Variants in MARCHF1 observed in about 807,000 individuals in gnomAD.
MARCHF1 encodes the protein membrane associated ring-CH-type finger 1.
A neutral mutation model predicts 54.2 loss-of-function variants in MARCHF1; 40 were observed. That is an observed-to-expected ratio of 0.74 (90% CI 0.57 to 0.96). The LOEUF (loss-of-function observed/expected upper bound fraction) is 0.96. Among genes scored for constraint, MARCHF1 ranks in the 40% least tolerant of loss-of-function variants. The pLI is 0.00. For missense variants in MARCHF1, 586 were observed against 656.5 expected (o/e 0.89, Z 1.17); for synonymous variants, 236 against 236.3 (o/e 1.00, Z 0.01).
chr4:163,610,335 T>G (rs1741294815), intron 7 of MARCHF1, among the ~76,000 whole-genome samples: 1 of 152,116 alleles, frequency 6.6e-6, no homozygotes, highest in African/African-American at 2.4e-5. Context: ...TTAGTTGGTA[T>G]ATTTTGATGG....
intron 1 of MARCHF1, among the ~76,000 whole-genome samples, chr4:164,274,224 T>C (rs567827548): frequency 2.6e-5 from 4 of 152,354 alleles, no homozygotes; most frequent in African/African-American, 9.6e-5. Context: ...GGCGAGTAAG[T>C]GGATAGAAAA....
At chr4:163,712,363 C>T (rs1745130888) in intron 4 of MARCHF1, among the ~76,000 whole-genome samples, 1 of 152,086 alleles carries the variant, frequency 6.6e-6, no homozygotes, top group South Asian at 2.1e-4. Context: ...AGTTGTGTGT[C>T]AGTGCCAATC....
At chr4:164,361,674 G>A (rs2110927029) in intron 1 of MARCHF1, among the ~76,000 whole-genome samples, 1 of 152,158 alleles carries the variant, frequency 6.6e-6, no homozygotes, top group East Asian at 1.9e-4. Context: ...CCTTCACCAT[G>A]AGAATTTATT....
intron 3 of MARCHF1, among the ~76,000 whole-genome samples, chr4:163,930,489 T>C (rs1239655558): frequency 6.6e-6 from 1 of 151,480 alleles, no homozygotes; most frequent in South Asian, 2.1e-4. Flanking sequence ...TTTTTTTTTT[T>C]TTTTTCTGGT....
At chr4:163,981,148 G>GT (rs796377935) in intron 3 of MARCHF1, among the ~76,000 whole-genome samples, 489 of 144,206 alleles carry the variant, frequency 3.4e-3, no homozygotes, top group South Asian at 3.7e-3. Flanking sequence ...TGCCAGAATT[G>GT]TTTTTTTTTT....
chr4:164,351,499 CACA>C (rs1486565769), intron 1 of MARCHF1, among the ~76,000 whole-genome samples: 21 of 151,980 alleles, frequency 1.4e-4, no homozygotes, highest in African/African-American at 4.8e-4. Context: ...CCAGCAGGGG[CACA>C]CTGACACCTC....
chr4:164,244,146 G>A (rs1286861278), intron 1 of MARCHF1, among the ~76,000 whole-genome samples: 2 of 151,892 alleles, frequency 1.3e-5, no homozygotes, highest in Non-Finnish European at 2.9e-5. Context: ...CAAATCAACA[G>A]AATATACATT....
At chr4:163,858,041 A>C (rs1404667412) in intron 3 of MARCHF1, among the ~76,000 whole-genome samples, 1 of 120,972 alleles carries the variant, frequency 8.3e-6, no homozygotes, top group Non-Finnish European at 1.6e-5. Context: ...ATGAAAGTTA[A>C]AATTGTTAGT....
chr4:163,524,730 C>CTTAGTTTAATATAAACTAAGTTGCG lies in MARCHF1; in HGVS notation c.*4017_*4018insCGCAACTTAGTTTATATTAAACTAA, dbSNP rs1410954029. The CTTAGTTTAATATAAACTAAGTTGCG allele has an allele frequency of 2.0e-5, 3 of 152,198 alleles. No individual in the cohort carries two copies. Among genetic ancestry groups the CTTAGTTTAATATAAACTAAGTTGCG allele is most frequent in the African/African-American group, 7.2e-5 (3 of 41,454 alleles). The allele number at this position is 152,198 out of a possible 1,614,324, so 9.4% of individuals were successfully genotyped here. On this transcript the variant is annotated 3_prime_UTR_variant, in exon 10 of 10. Transcript: ENST00000514618. ...TGGAAACCACAACTAAGGTTTGCGT[C>CTTAGTTTAATATAAACTAAGTTGCG]ACTTGTTTAATATACAAAGTCTTTC...
At chr4:163,568,361 G>A (rs543514593) in intron 8 of MARCHF1, among the ~76,000 whole-genome samples, 16 of 152,082 alleles carry the variant, frequency 1.1e-4, no homozygotes, top group African/African-American at 3.9e-4. Flanking sequence ...GTGTTTCATT[G>A]AAATCAACTT....
intron 1 of MARCHF1, among the ~76,000 whole-genome samples, chr4:164,163,043 TG>T (rs1218006984): frequency 6.6e-6 from 1 of 152,038 alleles, no homozygotes; most frequent in Non-Finnish European, 1.5e-5. Context: ...ATATCATACA[TG>T]AAGAAGACAA....
Position 163,547,504 on chromosome 4 carries a change from G to C in MARCHF1, c.1192-1761C>G, listed in dbSNP as rs28690086. On this transcript the variant is annotated intron_variant, in intron 8 of 9. Coordinates refer to ENST00000514618, the MANE Select transcript of MARCHF1 (RefSeq NM_001394959.1). ...CTACCTGGAATTCATAATTAAGTGG[G>C]AGAGTGTTCATCTTGCAATCTTGAG... is the stretch of plus-strand genomic sequence containing the variant. Among the ~76,000 whole-genome samples the C allele has an allele frequency of 9.7e-3, 1,475 of 152,242 alleles. 21 individuals carry two copies. The highest frequency in any genetic ancestry group is 0.032 in the African/African-American group (1,336 of 41,550).
At chr4:164,330,759 C>T (rs1003169400) in intron 1 of MARCHF1, among the ~76,000 whole-genome samples, 3 of 152,142 alleles carry the variant, frequency 2.0e-5, no homozygotes, top group Non-Finnish European at 4.4e-5. Context: ...AAATCATACT[C>T]AGCACCAAAT....
At chr4:163,825,035 T>C (rs997305559) in intron 4 of MARCHF1, among the ~76,000 whole-genome samples, 1 of 151,914 alleles carries the variant, frequency 6.6e-6, no homozygotes, top group African/African-American at 2.4e-5. Context: ...ACTTTTACAC[T>C]GTTGGTGGGA....
chr4:164,088,963 A>T (rs1455624263), intron 2 of MARCHF1, among the ~76,000 whole-genome samples: 1 of 152,192 alleles, frequency 6.6e-6, no homozygotes, highest in Non-Finnish European at 1.5e-5. Context: ...CTTTTTTTAG[A>T]GTGAATGTCA....
intron 1 of MARCHF1, among the ~76,000 whole-genome samples, chr4:164,179,142 T>C (rs1053920924): frequency 1.3e-5 from 2 of 152,172 alleles, no homozygotes; most frequent in African/African-American, 4.8e-5. Context: ...AGCACTGAGT[T>C]TGCCAGGGGC....
chr4:163,984,811 T>C (rs895659085), intron 3 of MARCHF1, among the ~76,000 whole-genome samples: 15 of 152,152 alleles, frequency 9.9e-5, no homozygotes, highest in African/African-American at 3.1e-4. Context: ...AATGAATTAA[T>C]AGAAGCAAAT....
intron 5 of MARCHF1, among the ~76,000 whole-genome samples, chr4:163,638,934 CA>C (rs1214747644): frequency 6.6e-6 from 1 of 151,998 alleles, no homozygotes; most frequent in Non-Finnish European, 1.5e-5. Flanking sequence ...AAGCCATTCA[CA>C]AAAAGTCACA....
chr4:163,963,395 A>T (rs192345491), intron 3 of MARCHF1, among the ~76,000 whole-genome samples: 47 of 152,086 alleles, frequency 3.1e-4, no homozygotes, highest in African/African-American at 1.1e-3. Context: ...TAGGAATTGA[A>T]AACCGATGAT....
Sources: gnomAD v4.1 joint callset for allele counts (sites outside exome capture counted in the v4.1 genomes callset) on GRCh38, gnomAD v4.1.1 for gene constraint, MANE v1.5 for transcripts, NCBI Gene and HGNC (gene_info 2026-07-23, HGNC 2026-07-21) for gene names.